Variants in GRB10 observed in about 807,000 individuals in gnomAD.
GRB10 encodes the protein growth factor receptor bound protein 10.
Under a neutral mutation model 80.9 loss-of-function variants are expected in GRB10, and 20 were observed. The ratio of observed to expected loss-of-function variants is 0.25; its 90% CI spans 0.17 to 0.36. GRB10 has a LOEUF of 0.36. Ranked by LOEUF, GRB10 falls within the 10% of genes least tolerant of loss-of-function variation. The pLI is 1.00. For missense variants in GRB10, 548 were observed against 747.7 expected (o/e 0.73, Z 3.12); for synonymous variants, 291 against 291.5 (o/e 1.00, Z 0.02).
intron 3 of GRB10, among the ~76,000 whole-genome samples, chr7:50,745,012 G>C (rs2072637309): frequency 6.6e-6 from 1 of 151,964 alleles, no homozygotes. Flanking sequence ...ATATTTTAGA[G>C]TAACAGCCTA....
chr7:50,669,538 G>A (rs2060145721), intron 7 of GRB10, among the ~76,000 whole-genome samples, 184 bp downstream of exon 7: 2 of 152,166 alleles, frequency 1.3e-5, no homozygotes, highest in South Asian at 2.1e-4. Context: ...GATTTGGAGG[G>A]GACAACATCC....
intron 10 of GRB10, 28 bp from the exon 11 acceptor site, chr7:50,616,375 C>T: frequency 1.3e-6 from 2 of 1,599,274 alleles, no homozygotes; most frequent in East Asian, 2.2e-5. Flanking sequence ...TTTAAAATCA[C>T]ATAATGCTAA....
intron 4 of GRB10, among the ~76,000 whole-genome samples, chr7:50,724,789 A>T (rs2068328502): frequency 1.3e-5 from 2 of 152,222 alleles, no homozygotes; most frequent in Non-Finnish European, 2.9e-5. Flanking sequence ...TGCGTTACTG[A>T]CAAGGCCAGA....
chr7:50,592,750 A>C lies in GRB10; in HGVS notation c.*202T>G. ...TCCCCAATTTGGCCGATGCAGAGGG[A>C]GGCGACCCTGCTGGGTTCACAGCAG... is the stretch of plus-strand genomic sequence containing the variant. On this transcript the variant is annotated 3_prime_UTR_variant, in exon 19 of 19. Transcript: ENST00000401949. The C allele has an allele frequency of 1.6e-6, 1 of 620,052 alleles. No individual in the cohort carries two copies. The highest frequency in any genetic ancestry group is 1.9e-5 in the South Asian group (1 of 53,016). The allele number at this position is 620,052 out of a possible 1,614,324, so 38.4% of individuals were successfully genotyped here. A position where few individuals can be genotyped will look rare whatever the true frequency, so the allele number is the denominator to read the frequency against.
intron 2 of GRB10, among the ~76,000 whole-genome samples, chr7:50,764,020 A>C (rs1029443582): frequency 2.0e-5 from 3 of 152,206 alleles, no homozygotes; most frequent in Non-Finnish European, 4.4e-5. Flanking sequence ...CCCATGCTGG[A>C]GTCACCTCAC....
rs540459216 is a variant in GRB10, at chr7:50,723,458, A to G, written c.51+8814T>C. On this transcript the variant is annotated intron_variant, in intron 4 of 18. Transcript: ENST00000401949. ...AATGTTGTTTGGTCCCATCTTACAA[A>G]TTAGCTGGGTTTCAGCTGAGGTCTG... Among the ~76,000 whole-genome samples the G allele has an allele frequency of 7.9e-5, 12 of 152,322 alleles. No individual in the cohort carries two copies. In the East Asian group the frequency reaches 2.3e-3, roughly 29 times the overall value.
At chr7:50,739,029 T>A (rs1377171747) in intron 3 of GRB10, among the ~76,000 whole-genome samples, 1 of 152,176 alleles carries the variant, frequency 6.6e-6, no homozygotes, top group African/African-American at 2.4e-5. Context: ...AGCTTAAACT[T>A]CTTTATTGGA....
chr7:50,790,530 C>T (rs1242524119), intron 1 of GRB10, among the ~76,000 whole-genome samples: 3 of 152,238 alleles, frequency 2.0e-5, no homozygotes, highest in Non-Finnish European at 4.4e-5. Flanking sequence ...GAGAAACAGA[C>T]GCGGGGATTA....
chr7:50,757,237 TCA>T (rs1192668815), intron 2 of GRB10, among the ~76,000 whole-genome samples: 2 of 152,208 alleles, frequency 1.3e-5, no homozygotes, highest in African/African-American at 4.8e-5. Context: ...TCATTGGGGT[TCA>T]GTGTTCCCAG....
chr7:50,710,754 C>G, intron 4 of GRB10: 2 of 1,094,820 alleles, frequency 1.8e-6, no homozygotes, highest in East Asian at 4.7e-5. Flanking sequence ...ATCTCCACAC[C>G]TTCCTGAGGC....
intron 2 of GRB10, among the ~76,000 whole-genome samples, chr7:50,760,392 C>G (rs1286425666): frequency 6.6e-6 from 1 of 152,112 alleles, no homozygotes; most frequent in Non-Finnish European, 1.5e-5. Flanking sequence ...TGGAAACACG[C>G]TAAGTTCCTA....
chr7:50,604,278 G>C, intron 16 of GRB10, 33 bp downstream of exon 16: 2 of 1,572,734 alleles, frequency 1.3e-6, no homozygotes, highest in African/African-American at 1.3e-5. Flanking sequence ...TTTTCTTTAT[G>C]TACAAAAACA....
intron 3 of GRB10, among the ~76,000 whole-genome samples, chr7:50,735,377 T>C (rs912191953): frequency 4.6e-5 from 7 of 152,230 alleles, no homozygotes; most frequent in African/African-American, 1.4e-4. Context: ...TAAAGCAATC[T>C]ACAAATTCAA....
At chr7:50,623,090 G>A (rs2299151) in intron 8 of GRB10, among the ~76,000 whole-genome samples, 12,644 of 152,258 alleles carry the variant, frequency 0.083, 802 homozygotes, top group South Asian at 0.13. Context: ...CACCATGCTC[G>A]GGGCAGAAGG....
intron 3 of GRB10, among the ~76,000 whole-genome samples, chr7:50,750,920 C>G (rs2074010115): frequency 6.6e-6 from 1 of 152,178 alleles, no homozygotes; most frequent in Non-Finnish European, 1.5e-5. Context: ...GAGGACAGCT[C>G]TCCCAGGAAT....
chr7:50,733,141 G>A (rs913799690), intron 3 of GRB10, among the ~76,000 whole-genome samples: 1 of 152,046 alleles, frequency 6.6e-6, no homozygotes, highest in African/African-American at 2.4e-5. Context: ...CAATACAAGC[G>A]GTGTTTTTGT....
chr7:50,633,723 A>ACAACAACAG (rs2054439005), intron 7 of GRB10, among the ~76,000 whole-genome samples: 1 of 150,280 alleles, frequency 6.7e-6, no homozygotes, highest in South Asian at 2.1e-4. Context: ...AACAACAACA[A>ACAACAACAG]CTTTTGGAAA....
At chr7:50,655,272 A>AGT (rs1184024340) in intron 7 of GRB10, among the ~76,000 whole-genome samples, 2 of 152,128 alleles carry the variant, frequency 1.3e-5, no homozygotes, top group African/African-American at 4.8e-5. Context: ...ACCTGGGAAG[A>AGT]GTGTCTGCCA....
At chr7:50,777,894 A>C (rs2077864579) in intron 2 of GRB10, among the ~76,000 whole-genome samples, 1 of 152,148 alleles carries the variant, frequency 6.6e-6, no homozygotes, top group African/African-American at 2.4e-5. Context: ...GGAGGGGAAT[A>C]ACACACACCA....
Sources: allele counts gnomAD v4.1 joint callset (sites outside exome capture counted in the v4.1 genomes callset), GRCh38; gene constraint gnomAD v4.1.1; transcripts MANE v1.5; gene names NCBI Gene and HGNC (gene_info 2026-07-23, HGNC 2026-07-21).